The following SEC24D variants were observed in gnomAD, a reference collection of about 807,000 sequenced individuals.
SEC24D encodes SEC24 homolog D, COPII component.
SEC24D carries 69 observed loss-of-function variants against 116.9 expected under a neutral mutation model. The observed-to-expected ratio is 0.59, with a 90% CI of 0.49 to 0.72. The LOEUF (loss-of-function observed/expected upper bound fraction) is 0.72. Among genes scored for constraint, SEC24D ranks in the 30% least tolerant of loss-of-function variants. The pLI is 0.00. For synonymous variants in SEC24D, 405 were observed against 442.8 expected (o/e 0.91, Z 1.07); for missense variants, 1,131 against 1,264.1 (o/e 0.89, Z 1.60).
Position 118,787,713 on chromosome 4 carries a change from T to G in SEC24D, c.1041+9970A>C, listed in dbSNP as rs111785326. Among the ~76,000 whole-genome samples, 445 of 152,226 alleles carry G rather than the reference T, an allele frequency of 2.9e-3. 3 individuals carry two copies. The highest frequency in any genetic ancestry group is 0.01 in the African/African-American group (424 of 41,536). ...GTGGTCCCTATTTGGGTGGCTGAGGTGTGAGAATCGCTTGAGCCTGGGAGG... is the reference window on the plus strand; with the variant it reads ...GTGGTCCCTATTTGGGTGGCTGAGGGGTGAGAATCGCTTGAGCCTGGGAGG... On this transcript the variant is annotated intron_variant, in intron 8 of 22. Coordinates refer to ENST00000280551, the MANE Select transcript of SEC24D (RefSeq NM_014822.4).
intron 19 of SEC24D, among the ~76,000 whole-genome samples, chr4:118,734,879 G>A (rs531010555): frequency 3.9e-5 from 6 of 152,106 alleles, no homozygotes; most frequent in Non-Finnish European, 1.5e-5. Flanking sequence ...TCTCAGCCAA[G>A]GAAAACTATG....
At chr4:118,799,666 G>C (rs776182895) in intron 7 of SEC24D, among the ~76,000 whole-genome samples, 2 of 152,166 alleles carry the variant, frequency 1.3e-5, no homozygotes, top group African/African-American at 2.4e-5. Flanking sequence ...AGGATGAAAC[G>C]AGGAGCCTAG....
chr4:118,763,557 T>A (rs552349180), intron 10 of SEC24D, among the ~76,000 whole-genome samples: 2 of 152,320 alleles, frequency 1.3e-5, no homozygotes, highest in East Asian at 3.9e-4. Context: ...TTTCTTCAAG[T>A]CTACACATGG....
intron 22 of SEC24D, among the ~76,000 whole-genome samples, chr4:118,724,960 G>C (rs1175519784): frequency 6.6e-6 from 1 of 152,188 alleles, no homozygotes; most frequent in Non-Finnish European, 1.5e-5. Context: ...GCTGCAGCAG[G>C]GAAGGTATGT....
intron 3 of SEC24D, among the ~76,000 whole-genome samples, chr4:118,822,590 G>C (rs1463734472): frequency 1.3e-5 from 2 of 151,412 alleles, no homozygotes; most frequent in Non-Finnish European, 2.9e-5. Context: ...TTTTTGCCTT[G>C]AGACAGGGTC....
At chr4:118,742,964 G>A (rs1269204876) in intron 15 of SEC24D, among the ~76,000 whole-genome samples, 1 of 152,024 alleles carries the variant, frequency 6.6e-6, no homozygotes, top group African/African-American at 2.4e-5. Flanking sequence ...AAGGCACAGG[G>A]GTCCACAGGA....
chr4:118,823,584 G>A (rs1039873004), intron 3 of SEC24D, among the ~76,000 whole-genome samples: 3 of 152,158 alleles, frequency 2.0e-5, no homozygotes, highest in South Asian at 2.1e-4. Context: ...CACTGCCTGC[G>A]GCTTGGCACT....
rs558736213 is a variant in SEC24D at position 118,777,539 on chromosome 4, T to A, written c.1042-9228A>T. Among the ~76,000 whole-genome samples the A allele has an allele frequency of 2.6e-5, 4 of 152,350 alleles. No individual in the cohort carries two copies. The South Asian group carries it at 8.3e-4, about 32-fold the overall frequency. ...TGGACATTTGGGTTGGTTCCAAGTC[T>A]TTGCTGTTGTGAACAGTGCCACAAT... On this transcript the variant is annotated intron_variant, in intron 8 of 22. Coordinates refer to ENST00000280551, the MANE Select transcript of SEC24D (RefSeq NM_014822.4).
chr4:118,753,028 A>G, intron 11 of SEC24D, 140 bp from the exon 12 acceptor site: 1 of 599,290 alleles, frequency 1.7e-6, no homozygotes, highest in Non-Finnish European at 2.7e-6. Flanking sequence ...TCTGTTACCA[A>G]GTGTAAACAA....
At chr4:118,731,625 A>C in intron 20 of SEC24D, 118 bp from the exon 21 acceptor site, 1 of 754,422 alleles carries the variant, frequency 1.3e-6, no homozygotes, top group Non-Finnish European at 2.2e-6. Flanking sequence ...AGTACCTATT[A>C]TGTGCCAGAC....
intron 13 of SEC24D, among the ~76,000 whole-genome samples, chr4:118,749,925 GA>G (rs1726738694): frequency 6.6e-6 from 1 of 152,098 alleles, no homozygotes; most frequent in Non-Finnish European, 1.5e-5. Context: ...CTTTTATAAA[GA>G]TAGTTCATTC....
chr4:118,768,421 GT>G, intron 8 of SEC24D, 110 bp from the exon 9 acceptor site: 4 of 754,320 alleles, frequency 5.3e-6, no homozygotes, highest in Non-Finnish European at 8.2e-6. Flanking sequence ...TTGAGACAGA[GT>G]CTTGCTCTGT....
chr4:118,797,796 G>A lies in SEC24D; in HGVS notation c.928C>T (p.Arg310Ter), dbSNP rs1729247421. The A allele has an allele frequency of 3.1e-6, 5 of 1,600,528 alleles. No individual in the cohort carries two copies. The highest frequency in any genetic ancestry group is 3.4e-6 in the Non-Finnish European group (4 of 1,170,864). The change falls in exon 8 of 23, where the codon CGA becomes TGA. Residue 310 changes from arginine to a stop codon, truncating the protein, a stop_gained. Transcript: ENST00000280551. LOFTEE classifies it high-confidence loss of function. Reference protein sequence around the residue: ...MIQDQGNASPRFIRCTTYCFP... With the variant: ...MIQDQGNASP Reference sequence around the variant, plus strand: ...CAGTATGTTGTACAACGGATGAATCGAGGACTGGCATTTCCTGAAACATTC... The same window carrying A: ...CAGTATGTTGTACAACGGATGAATCAAGGACTGGCATTTCCTGAAACATTC...
chr4:118,771,337 CT>C (rs1451477474), intron 8 of SEC24D, among the ~76,000 whole-genome samples: 1 of 152,020 alleles, frequency 6.6e-6, no homozygotes, highest in Non-Finnish European at 1.5e-5. Flanking sequence ...CCTTTCTTTT[CT>C]GTTCTTAAGT....
At chr4:118,765,477 A>G (rs1727602255) in intron 9 of SEC24D, among the ~76,000 whole-genome samples, 1 of 152,198 alleles carries the variant, frequency 6.6e-6, no homozygotes, top group Admixed American at 6.5e-5. Context: ...ATTTGATTCA[A>G]ATGTCTAAGA....
intron 8 of SEC24D, among the ~76,000 whole-genome samples, chr4:118,793,194 G>A (rs900308144): frequency 2.0e-5 from 3 of 152,130 alleles, no homozygotes; most frequent in South Asian, 2.1e-4. Context: ...CCGGCCGGGC[G>A]CGGTGGCTCA....
chr4:118,791,680 A>C (rs988725665), intron 8 of SEC24D, among the ~76,000 whole-genome samples: 3 of 151,992 alleles, frequency 2.0e-5, no homozygotes, highest in African/African-American at 7.3e-5. Context: ...ACGCGCCGCC[A>C]CGCCTGACTG....
intron 2 of SEC24D, among the ~76,000 whole-genome samples, chr4:118,829,570 T>G (rs1730750113): frequency 6.6e-6 from 1 of 152,028 alleles, no homozygotes; most frequent in Admixed American, 6.6e-5. Flanking sequence ...CCCAGCACTT[T>G]GAGAGGCCGA....
intron 8 of SEC24D, chr4:118,769,960 A>C (rs1482416683): frequency 6.6e-6 from 1 of 152,176 alleles, no homozygotes; most frequent in East Asian, 1.9e-4. Flanking sequence ...CCTCTCTCAA[A>C]ACCACTCAGC....
Sources: gnomAD v4.1 joint callset for allele counts (sites outside exome capture counted in the v4.1 genomes callset) on GRCh38, gnomAD v4.1.1 for gene constraint, MANE v1.5 for transcripts, NCBI Gene and HGNC (gene_info 2026-07-23, HGNC 2026-07-21) for gene names.